Variants in FAM53A observed in about 807,000 individuals in gnomAD.
FAM53A encodes the protein protein FAM53A.
Under a neutral mutation model 26.6 loss-of-function variants are expected in FAM53A, and 28 were observed. That is an observed-to-expected ratio of 1.05 (90% CI 0.78 to 1.45). The LOEUF is 1.45. Among genes scored for constraint, FAM53A ranks in the 40% most tolerant of loss-of-function variants. The pLI is 0.00. For synonymous variants in FAM53A, 290 were observed against 253.1 expected, an observed-to-expected ratio of 1.15 and a Z score of -1.38; for missense variants, 650 against 575.8, an observed-to-expected ratio of 1.13 and a Z score of -1.32.
intron 1 of FAM53A, among the ~76,000 whole-genome samples, chr4:1,675,463 C>G (rs1015214551): frequency 6.6e-6 from 1 of 152,188 alleles, no homozygotes; most frequent in African/African-American, 2.4e-5. Flanking sequence ...CTTCAGAGGA[C>G]GGCTACAACG....
chr4:1,661,310 C>G (rs989152481), intron 2 of FAM53A, among the ~76,000 whole-genome samples: 6 of 152,148 alleles, frequency 3.9e-5, no homozygotes, highest in Non-Finnish European at 8.8e-5. Context: ...CCAGCTCCAC[C>G]CGGAGGTCAC....
chr4:1,643,194 T>G (rs754474220), intron 4 of FAM53A, among the ~76,000 whole-genome samples: 2 of 152,110 alleles, frequency 1.3e-5, no homozygotes, highest in African/African-American at 2.4e-5. Flanking sequence ...ACGCCAGGCA[T>G]GGTGGCTCAC....
Position 1,630,305 on chromosome 4 carries a change from G to T in FAM53A, c.432-12194C>A, listed in dbSNP as rs1049454562. Among the ~76,000 whole-genome samples the T allele has an allele frequency of 6.6e-6, 1 of 152,250 alleles. No homozygotes were observed. The highest frequency in any genetic ancestry group is 1.5e-5 in the Non-Finnish European group (1 of 68,048). ...GACCAGGGGGTCAGAGCCCACCTTG[G>T]TGTTGTGGCCCCCATGGTGTCTGCT... On this transcript the variant is annotated intron_variant, in intron 1 of 1. Transcript: ENST00000489029. This position sits in a 1 kb window ranked among gnomAD's most constrained non-coding sequence, Gnocchi z 4.3.
intron 4 of FAM53A, 98 bp downstream of exon 4, chr4:1,654,880 T>C: frequency 1.4e-6 from 2 of 1,427,560 alleles, no homozygotes. Flanking sequence ...ACCAGCCGGA[T>C]GCTAACAGCC....
downstream of FAM53A, among the ~76,000 whole-genome samples, chr4:1,614,038 G>T (rs1309412027): frequency 3.3e-5 from 5 of 152,232 alleles, no homozygotes; most frequent in African/African-American, 7.2e-5. Context: ...CAGCTGGCTG[G>T]TATGCTCACG....
chr4:1,625,004 G>C (rs780838490), intron 1 of FAM53A, among the ~76,000 whole-genome samples: 400 of 120,298 alleles, frequency 3.3e-3, no homozygotes, highest in Middle Eastern at 0.021. Context: ...TGATCAGAAG[G>C]CCCCACGTCC....
chr4:1,675,470 A>G (rs994600902), intron 1 of FAM53A, among the ~76,000 whole-genome samples: 1 of 152,142 alleles, frequency 6.6e-6, no homozygotes, highest in South Asian at 2.1e-4. Context: ...GGACGGCTAC[A>G]ACGAACTCAC....
chr4:1,637,188 G>A (rs551286223), downstream of FAM53A, among the ~76,000 whole-genome samples: 30 of 152,188 alleles, frequency 2.0e-4, no homozygotes, highest in African/African-American at 5.8e-4. Context: ...CCCATGCTCG[G>A]GTGGGGGGTG....
At chr4:1,610,941 G>T in the FAM53A span, among the ~76,000 whole-genome samples, 2,004 of 152,288 alleles carry the variant, frequency 0.013, 155 homozygotes, top group East Asian at 0.23. Context: ...CCCTCAGGCT[G>T]CCCACACTCT....
intron 4 of FAM53A, among the ~76,000 whole-genome samples, chr4:1,646,866 G>A (rs995814081): frequency 6.6e-6 from 1 of 152,212 alleles, no homozygotes; most frequent in Non-Finnish European, 1.5e-5. Flanking sequence ...AGGCAGCTGA[G>A]CGCCTTCTCT....
the FAM53A span, among the ~76,000 whole-genome samples, chr4:1,577,647 C>T: frequency 6.6e-6 from 1 of 152,228 alleles, no homozygotes; most frequent in African/African-American, 2.4e-5. Flanking sequence ...CCATAAATCC[C>T]CCGGTAACAA....
At chr4:1,580,296 C>G in the FAM53A span, 1 of 152,134 alleles carries the variant, frequency 6.6e-6, no homozygotes, top group African/African-American at 2.4e-5. Flanking sequence ...CCCAGGGACC[C>G]CGCCCACGGC....
chr4:1,654,413 G>A (rs1713136065), intron 4 of FAM53A, among the ~76,000 whole-genome samples: 1 of 152,212 alleles, frequency 6.6e-6, no homozygotes, highest in South Asian at 2.1e-4. Flanking sequence ...GAGGTGGGTG[G>A]CACTGAGAAT....
chr4:1,623,130 G>A (rs147607119), intron 1 of FAM53A, among the ~76,000 whole-genome samples: 1 of 152,230 alleles, frequency 6.6e-6, no homozygotes, highest in African/African-American at 2.4e-5. Context: ...CTGAGCAGCA[G>A]AAAGTATGGC....
chr4:1,592,394 A>G, the FAM53A span, among the ~76,000 whole-genome samples: 1 of 152,228 alleles, frequency 6.6e-6, no homozygotes, highest in South Asian at 2.1e-4. Context: ...CCGAGACCAC[A>G]CAGATTACCC....
At chr4:1,653,658 C>A (rs1713072913) in intron 4 of FAM53A, among the ~76,000 whole-genome samples, 3 of 152,244 alleles carry the variant, frequency 2.0e-5, no homozygotes, top group Admixed American at 6.5e-5. Flanking sequence ...CTAAACCCTG[C>A]TCTCTGCAGA....
the FAM53A span, among the ~76,000 whole-genome samples, chr4:1,608,938 G>A: frequency 5.3e-5 from 8 of 152,080 alleles, no homozygotes; most frequent in African/African-American, 9.7e-5. Flanking sequence ...GTTTGGAGGC[G>A]GGGCCCAAGG....
chr4:1,672,856 G>A (rs1011042623), intron 1 of FAM53A, among the ~76,000 whole-genome samples: 3 of 127,080 alleles, frequency 2.4e-5, no homozygotes, highest in East Asian at 2.5e-4. Flanking sequence ...TGCAACCTCC[G>A]CCTCCCGGGT....
rs756381151 is a variant in FAM53A, at chr4:1,655,477, T to C, written c.383A>G (p.Glu128Gly). 9 of 1,573,728 alleles carry C rather than the reference T, an allele frequency of 5.7e-6. No individual in the cohort carries two copies. The East Asian group carries it at 1.4e-4, about 24-fold the overall frequency. The change falls in exon 4 of 5, where the codon GAG becomes GGG. Residue 128 changes from glutamate to glycine, a missense_variant. Glu to Gly is a moderately conservative substitution (Grantham distance 98, BLOSUM62 -2). Coordinates refer to ENST00000308132, the MANE Select transcript of FAM53A (RefSeq NM_001174070.3). ...KRHCRSLSEP[E>G]ELVRCRSPWR... Reference sequence around the variant, plus strand: ...GGGGGACCGGCAGCGCACAAGCTCCTCGGGTTCTGACAAGGACCGGCAATG... The same window carrying C: ...GGGGGACCGGCAGCGCACAAGCTCCCCGGGTTCTGACAAGGACCGGCAATG...
Sources: allele counts gnomAD v4.1 joint callset (sites outside exome capture counted in the v4.1 genomes callset), GRCh38; gene constraint gnomAD v4.1.1; non-coding constraint Gnocchi (gnomAD v3.1); transcripts MANE v1.5; gene names NCBI Gene and HGNC (gene_info 2026-07-23, HGNC 2026-07-21).